PPP1R9A: variants seen among roughly 807,000 people sequenced by gnomAD.
The protein encoded by PPP1R9A is protein phosphatase 1 regulatory subunit 9A.
PPP1R9A carries 59 observed loss-of-function variants against 141.9 expected under a neutral mutation model. The observed-to-expected ratio is 0.42, with a 90% CI of 0.34 to 0.52. The LOEUF is 0.52. Among genes scored for constraint, PPP1R9A ranks in the 20% least tolerant of loss-of-function variants. The pLI is 0.10. For synonymous variants in PPP1R9A, 500 were observed against 569.7 expected, an observed-to-expected ratio of 0.88 and a Z score of 1.74; for missense variants, 1,444 against 1,611.9, an observed-to-expected ratio of 0.90 and a Z score of 1.78.
intron 2 of PPP1R9A, among the ~76,000 whole-genome samples, chr7:95,039,294 G>A (rs967853089): frequency 6.6e-6 from 1 of 152,146 alleles, no homozygotes; most frequent in Non-Finnish European, 1.5e-5. Flanking sequence ...AGGAGGCCAG[G>A]CACAGTGGCT....
intron 17 of PPP1R9A, among the ~76,000 whole-genome samples, chr7:95,285,474 C>T (rs533282933): frequency 9.8e-5 from 15 of 152,310 alleles, no homozygotes; most frequent in Non-Finnish European, 1.6e-4. Flanking sequence ...AGTGCAGCTA[C>T]GTAGTCATTG....
chr7:95,264,743 G>A (rs1026197908), intron 12 of PPP1R9A, among the ~76,000 whole-genome samples: 3 of 152,058 alleles, frequency 2.0e-5, no homozygotes, highest in African/African-American at 7.2e-5. Flanking sequence ...TGTATTTCTA[G>A]CTGCATTGCG....
intron 8 of PPP1R9A, among the ~76,000 whole-genome samples, chr7:95,229,550 C>A (rs969056389): frequency 3.3e-5 from 5 of 151,964 alleles, no homozygotes; most frequent in African/African-American, 7.2e-5. Flanking sequence ...GCCATAATCC[C>A]CCTGGGAATA....
chr7:95,076,106 T>C (rs1422707188), intron 2 of PPP1R9A, among the ~76,000 whole-genome samples: 3 of 152,182 alleles, frequency 2.0e-5, no homozygotes, highest in Non-Finnish European at 4.4e-5. Flanking sequence ...TCTCACTCTG[T>C]TGCCCAGTCT....
chr7:95,264,919 G>T (rs1801032797), intron 12 of PPP1R9A, among the ~76,000 whole-genome samples: 1 of 152,158 alleles, frequency 6.6e-6, no homozygotes, highest in Admixed American at 6.6e-5. Flanking sequence ...TGAAAGCAGT[G>T]TAATATTATT....
In PPP1R9A at chr7:95,291,451, T is replaced by C. The variant is rs1047887228; in HGVS notation, c.*1148T>C. On this transcript the variant is annotated 3_prime_UTR_variant, in exon 20 of 20. Transcript: ENST00000433360. ...ACCATTCCTTTCCATACTTCAAAGA[T>C]TCTCAATTTTACAGAAAAAGTTTGT... The C allele has an allele frequency of 5.9e-5, 9 of 152,228 alleles. No homozygotes were observed. Among genetic ancestry groups the C allele is most frequent in the Admixed American group, 1.3e-4 (2 of 15,286 alleles). 9.4% of individuals were successfully genotyped at this position (152,228 alleles called of 1,614,324 possible).
chr7:95,065,630 C>T (rs1326643145), intron 2 of PPP1R9A, among the ~76,000 whole-genome samples: 1 of 152,096 alleles, frequency 6.6e-6, no homozygotes, highest in African/African-American at 2.4e-5. Flanking sequence ...CAATAAACTA[C>T]TGTTATTCTT....
chr7:95,071,689 A>C (rs1813836554), intron 2 of PPP1R9A, among the ~76,000 whole-genome samples: 1 of 152,018 alleles, frequency 6.6e-6, no homozygotes, highest in South Asian at 2.1e-4. Context: ...AAAAGAAAGA[A>C]TATGCTTAGT....
At chr7:94,918,602 C>G (rs113653638) in intron 2 of PPP1R9A, among the ~76,000 whole-genome samples, 64 of 152,186 alleles carry the variant, frequency 4.2e-4, no homozygotes, top group African/African-American at 1.4e-3. Flanking sequence ...AGAACTTTTT[C>G]ATCATCCTAG....
chr7:95,234,629 A>T (rs191518127), intron 8 of PPP1R9A, among the ~76,000 whole-genome samples: 1 of 152,134 alleles, frequency 6.6e-6, no homozygotes, highest in South Asian at 2.1e-4. Flanking sequence ...ATTCCTTGCA[A>T]TTCCCATAAA....
chr7:94,971,442 C>T (rs545439027), intron 2 of PPP1R9A, among the ~76,000 whole-genome samples: 10 of 152,292 alleles, frequency 6.6e-5, no homozygotes, highest in Non-Finnish European at 8.8e-5. Context: ...GCCAGATTTC[C>T]TAGTTATTTT....
At chr7:95,259,425 A>G (rs1185933847) in intron 12 of PPP1R9A, among the ~76,000 whole-genome samples, 1 of 152,114 alleles carries the variant, frequency 6.6e-6, no homozygotes, top group East Asian at 1.9e-4. Flanking sequence ...AAAAATATAT[A>G]TTAGTTTAAG....
At chr7:95,158,846 T>A (rs1227020411) in intron 4 of PPP1R9A, among the ~76,000 whole-genome samples, 2 of 152,304 alleles carry the variant, frequency 1.3e-5, no homozygotes, top group African/African-American at 4.8e-5. Context: ...TGAAAAAATG[T>A]TTACCCGCAC....
At chr7:95,031,858 AACC>A (rs1301296045) in intron 2 of PPP1R9A, among the ~76,000 whole-genome samples, 1 of 152,140 alleles carries the variant, frequency 6.6e-6, no homozygotes, top group Non-Finnish European at 1.5e-5. Flanking sequence ...ATGGGAAGAT[AACC>A]TTAAATTATT....
chr7:95,153,391 C>T (rs898361721), intron 4 of PPP1R9A, among the ~76,000 whole-genome samples: 2 of 152,126 alleles, frequency 1.3e-5, no homozygotes, highest in African/African-American at 2.4e-5. Flanking sequence ...TGATTCAGTT[C>T]AGTCAAACAG....
At chr7:95,079,056 C>G (rs1815342179) in intron 2 of PPP1R9A, among the ~76,000 whole-genome samples, 1 of 152,140 alleles carries the variant, frequency 6.6e-6, no homozygotes, top group Admixed American at 6.5e-5. Context: ...AGTCCTTGCC[C>G]ATGCCTATGT....
intron 8 of PPP1R9A, among the ~76,000 whole-genome samples, chr7:95,243,325 T>C (rs1797709646): frequency 6.6e-6 from 1 of 152,160 alleles, no homozygotes; most frequent in South Asian, 2.1e-4. Context: ...ATCTTGAAAG[T>C]AGATTCTATG....
chr7:95,127,259 G>C (rs1435503936), intron 4 of PPP1R9A, among the ~76,000 whole-genome samples: 1 of 151,788 alleles, frequency 6.6e-6, no homozygotes, highest in Admixed American at 6.6e-5. Context: ...AATTTAAATG[G>C]ACACCCTTTT....
At chr7:94,986,628 C>T (rs1800870532) in intron 2 of PPP1R9A, among the ~76,000 whole-genome samples, 1 of 152,130 alleles carries the variant, frequency 6.6e-6, no homozygotes, top group Non-Finnish European at 1.5e-5. Flanking sequence ...GTTCACAGCA[C>T]AAAATGATAA....
Sources: gnomAD v4.1 joint callset for allele counts (sites outside exome capture counted in the v4.1 genomes callset) on GRCh38, gnomAD v4.1.1 for gene constraint, MANE v1.5 for transcripts, NCBI Gene and HGNC (gene_info 2026-07-23, HGNC 2026-07-21) for gene names.